Variants in RHBDD1 observed in about 807,000 individuals in gnomAD.
RHBDD1 encodes rhomboid-related protein 4.
A neutral mutation model predicts 36.3 loss-of-function variants in RHBDD1; 38 were observed. That is an observed-to-expected ratio of 1.05 (90% CI 0.81 to 1.37). RHBDD1 has a LOEUF of 1.37. Among genes scored for constraint, RHBDD1 ranks in the 40% most tolerant of loss-of-function variants. RHBDD1 has a pLI of 0.00. For synonymous variants in RHBDD1, 151 were observed against 136.5 expected, an observed-to-expected ratio of 1.11 and a Z score of -0.74; for missense variants, 393 against 377.6, an observed-to-expected ratio of 1.04 and a Z score of -0.34.
chr2:226,903,681 G>A (rs965783233), intron 5 of RHBDD1, among the ~76,000 whole-genome samples: 2 of 152,050 alleles, frequency 1.3e-5, no homozygotes, highest in South Asian at 2.1e-4. Context: ...AGAAGAGGGC[G>A]GTTCCCAGCA....
chr2:226,916,295 G>A (rs562516211), intron 8 of RHBDD1, among the ~76,000 whole-genome samples: 8 of 152,250 alleles, frequency 5.3e-5, no homozygotes, highest in African/African-American at 1.9e-4. Flanking sequence ...TTTTGTAATC[G>A]CTGTATCACA....
intron 8 of RHBDD1, among the ~76,000 whole-genome samples, chr2:226,942,908 A>G (rs1214796982): frequency 6.6e-6 from 1 of 152,204 alleles, no homozygotes; most frequent in African/African-American, 2.4e-5. Context: ...GCTATTTCCC[A>G]TTACTCCAGT....
chr2:226,964,654 A>G (rs938136098), intron 8 of RHBDD1, among the ~76,000 whole-genome samples: 2 of 152,238 alleles, frequency 1.3e-5, no homozygotes, highest in African/African-American at 2.4e-5. Context: ...CAGATGCATC[A>G]TGTACAAACT....
At chr2:226,959,934 T>G (rs1952060948) in intron 8 of RHBDD1, among the ~76,000 whole-genome samples, 2 of 152,198 alleles carry the variant, frequency 1.3e-5, no homozygotes, top group Non-Finnish European at 2.9e-5. Context: ...GCGATTCTCC[T>G]GCCTCAGCCT....
chr2:226,867,393 G>T, intron 5 of RHBDD1, 75 bp downstream of exon 5: 1 of 1,453,782 alleles, frequency 6.9e-7, no homozygotes, highest in Non-Finnish European at 9.3e-7. Context: ...ATAATAATGA[G>T]GTAACCAATT....
chr2:226,992,049 GA>G (rs1480877809), intron 8 of RHBDD1, among the ~76,000 whole-genome samples: 1 of 152,196 alleles, frequency 6.6e-6, no homozygotes, highest in Non-Finnish European at 1.5e-5. Flanking sequence ...GTACATATCA[GA>G]AACACAAAGA....
At chr2:226,872,316 A>G (rs1308766474) in intron 5 of RHBDD1, among the ~76,000 whole-genome samples, 1 of 152,228 alleles carries the variant, frequency 6.6e-6, no homozygotes, top group Admixed American at 6.5e-5. Flanking sequence ...CATACAAATA[A>G]TATAATATTA....
chr2:226,988,117 A>T (rs1000121696), intron 8 of RHBDD1, among the ~76,000 whole-genome samples: 5 of 152,170 alleles, frequency 3.3e-5, no homozygotes, highest in Non-Finnish European at 5.9e-5. Flanking sequence ...GCAATATTTT[A>T]TTCTATTTTG....
At chr2:226,896,405 T>G (rs1947097742) in intron 5 of RHBDD1, among the ~76,000 whole-genome samples, 1 of 152,278 alleles carries the variant, frequency 6.6e-6, no homozygotes, top group East Asian at 1.9e-4. Context: ...TATCTCTGCC[T>G]CCAAAATACA....
At chr2:226,817,317 G>A in the RHBDD1 span, among the ~76,000 whole-genome samples, 67 of 152,242 alleles carry the variant, frequency 4.4e-4, no homozygotes, top group African/African-American at 1.5e-3. Flanking sequence ...AGGGTGTTAC[G>A]GTAAATGATT....
At chr2:226,972,678 G>A (rs910113403) in intron 8 of RHBDD1, among the ~76,000 whole-genome samples, 6 of 152,172 alleles carry the variant, frequency 3.9e-5, no homozygotes, top group African/African-American at 9.7e-5. Context: ...AGCAAATAAT[G>A]ACTAGACACC....
In RHBDD1 at chr2:226,983,456, A is replaced by G. The variant is rs1956236593; in HGVS notation, c.857-11975A>G. Among the ~76,000 whole-genome samples the G allele has an allele frequency of 2.6e-5, 4 of 152,054 alleles. No homozygotes were observed. The South Asian group carries it at 6.2e-4, about 24-fold the overall frequency. ...CCTAGCCTAGGGGCCAGCCACCTCA[A>G]TCCATTTCTTTTCCCAGGCCCAACA... On this transcript the variant is annotated intron_variant, in intron 8 of 8. Transcript: ENST00000392062.
intron 5 of RHBDD1, among the ~76,000 whole-genome samples, chr2:226,875,152 C>G (rs1167969519): frequency 6.6e-6 from 1 of 152,158 alleles, no homozygotes; most frequent in Non-Finnish European, 1.5e-5. Context: ...TGTATCTTAA[C>G]CATCTGCCTG....
intron 8 of RHBDD1, among the ~76,000 whole-genome samples, chr2:226,950,326 G>A (rs981788015): frequency 6.6e-6 from 1 of 152,090 alleles, no homozygotes; most frequent in African/African-American, 2.4e-5. Flanking sequence ...TTTATTTAAT[G>A]TATTGTCCTC....
chr2:226,904,427 G>GAC lies in RHBDD1; in HGVS notation c.567-2366_567-2365insAC, dbSNP rs768405024. ...ACATCCTGCAAGCGGGGGGGGAGGG[G>GAC]GGTCAGGGAACTCCTGTTTCAGTAG... On this transcript the variant is annotated intron_variant, in intron 5 of 8. Transcript: ENST00000392062. 3.3e-5 allele frequency among the ~76,000 whole-genome samples: 3 copies of GAC among 90,822 alleles called. 1 individual carries two copies. In the Admixed American group the frequency reaches 3.4e-4, roughly 10 times the overall value. The allele number at this position is 90,822 out of a possible 152,430, so 59.6% of individuals were successfully genotyped here.
chr2:226,833,256 G>A (rs1376999510), upstream of RHBDD1, among the ~76,000 whole-genome samples: 1 of 152,212 alleles, frequency 6.6e-6, no homozygotes, highest in African/African-American at 2.4e-5. Flanking sequence ...GGGTAAAACA[G>A]TAATCAATAC....
intron 3 of RHBDD1, among the ~76,000 whole-genome samples, chr2:226,857,987 G>A (rs1943498859): frequency 6.6e-6 from 1 of 152,096 alleles, no homozygotes; most frequent in African/African-American, 2.4e-5. Context: ...TTCCATTATT[G>A]GAATGCTAAG....
intron 1 of RHBDD1, 157 bp from the exon 2 acceptor site, chr2:226,837,916 G>C (rs1941152029): frequency 6.6e-6 from 1 of 152,170 alleles, no homozygotes; most frequent in Non-Finnish European, 1.5e-5. Context: ...ATATGTTTCT[G>C]TCCTTATCTT....
At chr2:226,904,923 A>G (rs115217596) in intron 5 of RHBDD1, among the ~76,000 whole-genome samples, 122 of 151,746 alleles carry the variant, frequency 8.0e-4, no homozygotes, top group Middle Eastern at 3.4e-3. Context: ...GTTTTAACTT[A>G]CCTCCTGTTG....
Sources: gnomAD v4.1 joint callset for allele counts (sites outside exome capture counted in the v4.1 genomes callset) on GRCh38, gnomAD v4.1.1 for gene constraint, MANE v1.5 for transcripts, NCBI Gene and HGNC (gene_info 2026-07-23, HGNC 2026-07-21) for gene names.